The following CELF4 variants were observed in gnomAD, a reference collection of about 807,000 sequenced individuals.
The protein encoded by CELF4 is CUG-BP- and ETR-3-like factor 4.
In CELF4, 18 loss-of-function variants were observed where a neutral mutation model predicts 59.9. The ratio of observed to expected loss-of-function variants is 0.30; its 90% CI spans 0.21 to 0.45. The LOEUF (loss-of-function observed/expected upper bound fraction) is 0.45, where lower values mean the gene tolerates loss of function less well. Ranked by LOEUF, CELF4 falls within the 20% of genes least tolerant of loss-of-function variation. The pLI, the probability that CELF4 is intolerant of heterozygous loss-of-function variation, is 1.00. For missense variants in CELF4, 456 were observed against 689.0 expected, an observed-to-expected ratio of 0.66 and a Z score of 3.79; for synonymous variants, 261 against 267.1, an observed-to-expected ratio of 0.98 and a Z score of 0.22.
intron 2 of CELF4, among the ~76,000 whole-genome samples, chr18:37,393,089 G>A (rs574477890): frequency 6.6e-5 from 10 of 151,398 alleles, no homozygotes; most frequent in Admixed American, 4.0e-4. Flanking sequence ...CAGGGACTGC[G>A]GTGTGTTAGA....
chr18:37,323,914 C>T (rs1206173097), intron 2 of CELF4, among the ~76,000 whole-genome samples: 1 of 152,170 alleles, frequency 6.6e-6, no homozygotes, highest in Non-Finnish European at 1.5e-5. Flanking sequence ...CATATTTTAT[C>T]TCAGTTGACC....
intron 3 of CELF4, among the ~76,000 whole-genome samples, chr18:37,314,025 A>T (rs1050951067): frequency 6.6e-6 from 1 of 152,190 alleles, no homozygotes; most frequent in African/African-American, 2.4e-5. Context: ...TGTCTCAGGG[A>T]TGCCTCCCAG....
intron 1 of CELF4, among the ~76,000 whole-genome samples, chr18:37,514,610 C>T (rs979843389): frequency 6.6e-6 from 1 of 152,116 alleles, no homozygotes; most frequent in Non-Finnish European, 1.5e-5. Context: ...CGGTCCCAAG[C>T]CCAAGGAGGC....
intron 2 of CELF4, among the ~76,000 whole-genome samples, chr18:37,469,659 A>C (rs2099816570): frequency 6.6e-6 from 1 of 152,164 alleles, no homozygotes; most frequent in Admixed American, 6.5e-5. Context: ...CCCCCAGATA[A>C]ATCGTTTAAT....
chr18:37,420,133 C>A (rs1037114080), intron 2 of CELF4, among the ~76,000 whole-genome samples: 6 of 152,174 alleles, frequency 3.9e-5, no homozygotes, highest in African/African-American at 4.8e-5. Context: ...GGTGGGGGAA[C>A]CTTGACCCTC....
rs534897128 is a variant in CELF4 at position 37,441,971 on chromosome 18, G to T, written c.369+43554C>A. 2.6e-3 allele frequency among the ~76,000 whole-genome samples: 331 copies of T among 128,034 alleles called. 1 individual carries two copies. Among genetic ancestry groups the T allele is most frequent in the Middle Eastern group, 3.8e-3 (1 of 260 alleles). 84.0% of individuals were successfully genotyped at this position (128,034 alleles called of 152,430 possible). ...GATGACACCGTGCGTCACCCAAACCGCAAAGAACCTAGATGACACAGTGCG... is the reference window on the plus strand; with the variant it reads ...GATGACACCGTGCGTCACCCAAACCTCAAAGAACCTAGATGACACAGTGCG... On this transcript the variant is annotated intron_variant, in intron 2 of 12. Transcript: ENST00000420428.
At chr18:37,414,108 C>A (rs1008887072) in intron 2 of CELF4, among the ~76,000 whole-genome samples, 3 of 152,174 alleles carry the variant, frequency 2.0e-5, no homozygotes, top group African/African-American at 7.2e-5. Flanking sequence ...ACCATGAAGG[C>A]AGGGCAGGGA....
chr18:37,389,876 C>T (rs531731799), intron 2 of CELF4, among the ~76,000 whole-genome samples: 1 of 152,378 alleles, frequency 6.6e-6, no homozygotes, highest in African/African-American at 2.4e-5. Flanking sequence ...GGCACAGAGT[C>T]ATGCACGACT....
At chr18:37,542,008 C>T (rs560892363) in intron 1 of CELF4, among the ~76,000 whole-genome samples, 2 of 152,084 alleles carry the variant, frequency 1.3e-5, no homozygotes, top group Non-Finnish European at 2.9e-5. Flanking sequence ...GTGCCATGGT[C>T]ATCGTTGTGA....
intron 1 of CELF4, among the ~76,000 whole-genome samples, chr18:37,494,837 A>G (rs1477238588): frequency 6.6e-6 from 1 of 152,086 alleles, no homozygotes; most frequent in Non-Finnish European, 1.5e-5. Context: ...CTTGGAAGGG[A>G]GAGGTCCTCC....
chr18:37,373,835 C>T (rs1169460552), intron 2 of CELF4, among the ~76,000 whole-genome samples: 1 of 152,198 alleles, frequency 6.6e-6, no homozygotes, highest in Non-Finnish European at 1.5e-5. Context: ...ACGTGAGAGG[C>T]CCAGGTGGGC....
chr18:37,408,459 G>GTT (rs5824056), intron 2 of CELF4, among the ~76,000 whole-genome samples: 28,904 of 126,688 alleles, frequency 0.23, 3,614 homozygotes, highest in Admixed American at 0.27. Flanking sequence ...AATCAAGAAG[G>GTT]TTTTTTTTTT....
At chr18:37,463,662 C>T (rs1447947492) in intron 2 of CELF4, among the ~76,000 whole-genome samples, 3 of 152,248 alleles carry the variant, frequency 2.0e-5, no homozygotes, top group African/African-American at 2.4e-5. Flanking sequence ...CCCAGTTGGG[C>T]CTGAGATCTT....
chr18:37,452,001 C>T (rs893618827), intron 2 of CELF4, among the ~76,000 whole-genome samples: 1 of 152,180 alleles, frequency 6.6e-6, no homozygotes, highest in Admixed American at 6.5e-5. Context: ...CTGCCCAGCA[C>T]CTGGGCAAGG....
intron 12 of CELF4, among the ~76,000 whole-genome samples, chr18:37,252,986 T>C (rs182532251): frequency 2.9e-4 from 44 of 152,136 alleles, no homozygotes; most frequent in South Asian, 2.7e-3. Flanking sequence ...ATTCTGAAGG[T>C]TGACTTTTGA....
intron 2 of CELF4, among the ~76,000 whole-genome samples, chr18:37,442,785 C>A (rs778220624): frequency 1.3e-5 from 2 of 152,206 alleles, no homozygotes; most frequent in African/African-American, 2.4e-5. Context: ...ATGAACAAGA[C>A]GTCTTACGGA....
intron 2 of CELF4, among the ~76,000 whole-genome samples, chr18:37,398,061 GC>G (rs780132299): frequency 2.0e-5 from 3 of 152,210 alleles, no homozygotes; most frequent in Non-Finnish European, 4.4e-5. Flanking sequence ...CTGTAAAGGG[GC>G]CCTGAGCCCA....
intron 2 of CELF4, among the ~76,000 whole-genome samples, chr18:37,483,175 T>C (rs1168656336): frequency 6.6e-6 from 1 of 152,206 alleles, no homozygotes; most frequent in Non-Finnish European, 1.5e-5. Flanking sequence ...ACACTTTCTC[T>C]GATCTCAAAG....
chr18:37,412,002 C>G (rs1747426548), intron 2 of CELF4, among the ~76,000 whole-genome samples: 1 of 152,252 alleles, frequency 6.6e-6, no homozygotes, highest in Non-Finnish European at 1.5e-5. Flanking sequence ...CCTGACCACT[C>G]AGCACCCTTT....
Sources: allele counts gnomAD v4.1 joint callset (sites outside exome capture counted in the v4.1 genomes callset), GRCh38; gene constraint gnomAD v4.1.1; transcripts MANE v1.5; gene names NCBI Gene and HGNC (gene_info 2026-07-23, HGNC 2026-07-21).